Variants in ENOX1 observed in about 807,000 individuals in gnomAD.
ENOX1 encodes the protein ecto-NOX disulfide-thiol exchanger 1, also known as candidate growth-related and time keeping constitutive hydroquinone (NADH) oxidase.
In ENOX1, 42 loss-of-function variants were observed where a neutral mutation model predicts 82.5. That is an observed-to-expected ratio of 0.51 (90% CI 0.40 to 0.66). The LOEUF is 0.66. Among genes scored for constraint, ENOX1 ranks in the 30% least tolerant of loss-of-function variants. ENOX1 has a pLI of 0.00. For synonymous variants in ENOX1, 271 were observed against 282.2 expected (o/e 0.96, Z 0.40); for missense variants, 608 against 811.6 (o/e 0.75, Z 3.05).
rs763037420 is a variant in ENOX1, at chr13:43,298,365, G to A, written c.1427C>T (p.Thr476Ile). 3.7e-6 allele frequency: 6 copies of A among 1,609,940 alleles called. No homozygotes were observed. Among genetic ancestry groups the A allele is most frequent in the African/African-American group, 1.3e-5 (1 of 74,340 alleles). Residue 476 changes from threonine to isoleucine, a missense_variant, in exon 12 of 17, where the codon ACC (threonine) becomes ATC (isoleucine). Physicochemically the swap from Thr to Ile is moderately conservative, Grantham distance 89. Transcript: ENST00000690772. ...AGGTACCTGCTGCATGCCTTGCATG[G>A]TTTGCTGCAGAAACTGCAGTTGCTG... ...KDQQLQFLQQTMQGMQQQLLT... is the reference protein window; with the variant it reads ...KDQQLQFLQQIMQGMQQQLLT...
chr13:43,533,835 G>T (rs1009272375), intron 2 of ENOX1, among the ~76,000 whole-genome samples: 5 of 152,084 alleles, frequency 3.3e-5, no homozygotes, highest in African/African-American at 1.2e-4. Context: ...AATGTATTCT[G>T]AAGTACTGAG....
In ENOX1 at chr13:43,269,621, A is replaced by G; in HGVS notation, c.1447-44T>C. ...TTTAGCATAAGTAGGATTGAAGGTC[A>G]GGTGATTTAAAAATATCCACAATAC... On this transcript the variant is annotated intron_variant, in intron 12 of 16. Transcript: ENST00000690772. 2.7e-6 allele frequency: 4 copies of G among 1,486,694 alleles called. No individual in the cohort carries two copies. In the South Asian group the frequency reaches 3.4e-5, roughly 13 times the overall value. 92.1% of individuals were successfully genotyped at this position (1,486,694 alleles called of 1,614,324 possible). A position where few individuals can be genotyped will look rare whatever the true frequency, so the allele number is the denominator to read the frequency against.
At chr13:43,364,854 G>A (rs1423159614) in intron 5 of ENOX1, among the ~76,000 whole-genome samples, 1 of 152,184 alleles carries the variant, frequency 6.6e-6, no homozygotes, top group Non-Finnish European at 1.5e-5. Context: ...AGGCTCAGAG[G>A]ACACAGAGAG....
intron 1 of ENOX1, among the ~76,000 whole-genome samples, chr13:43,749,967 T>C (rs1270990966): frequency 1.3e-5 from 2 of 152,294 alleles, no homozygotes; most frequent in East Asian, 3.9e-4. Flanking sequence ...TACTCTAAAA[T>C]TAATACACAT....
At chr13:43,399,989 G>C (rs764723774) in intron 5 of ENOX1, among the ~76,000 whole-genome samples, 11 of 151,944 alleles carry the variant, frequency 7.2e-5, no homozygotes, top group Non-Finnish European at 1.6e-4. Flanking sequence ...CACTCTTGTA[G>C]GAGTGTGTAG....
intron 1 of ENOX1, among the ~76,000 whole-genome samples, chr13:43,671,579 C>T (rs927742105): frequency 6.6e-6 from 1 of 152,218 alleles, no homozygotes; most frequent in African/African-American, 2.4e-5. Context: ...TACACCATTA[C>T]ATTTCTTCAA....
chr13:43,363,923 A>G (rs1388387750), intron 5 of ENOX1, among the ~76,000 whole-genome samples: 1 of 152,210 alleles, frequency 6.6e-6, no homozygotes, highest in African/African-American at 2.4e-5. Flanking sequence ...AGACATCAGT[A>G]TGAGGAGACT....
chr13:43,702,945 C>A (rs1196419026), intron 1 of ENOX1, among the ~76,000 whole-genome samples: 3 of 81,106 alleles, frequency 3.7e-5, no homozygotes, highest in African/African-American at 1.4e-4. Flanking sequence ...AAGAGTGAGA[C>A]TCTGTCTCAA....
At chr13:43,756,075 G>C (rs966517604) in intron 1 of ENOX1, among the ~76,000 whole-genome samples, 2 of 152,206 alleles carry the variant, frequency 1.3e-5, no homozygotes, top group African/African-American at 4.8e-5. Context: ...TGACATAGTG[G>C]AAAAGAGTTG....
At chr13:43,345,884 C>T (rs1566565519) in intron 8 of ENOX1, among the ~76,000 whole-genome samples, 1 of 152,134 alleles carries the variant, frequency 6.6e-6, no homozygotes, top group Non-Finnish European at 1.5e-5. Context: ...TTAAAAAATA[C>T]TGAGTGCCTA....
At chr13:43,742,341 G>C (rs775181725) in intron 1 of ENOX1, among the ~76,000 whole-genome samples, 5 of 152,066 alleles carry the variant, frequency 3.3e-5, no homozygotes, top group Admixed American at 6.6e-5. Flanking sequence ...AAGTCCAAAG[G>C]CCTAGGAACT....
chr13:43,651,999 A>G (rs1461534415), intron 2 of ENOX1, among the ~76,000 whole-genome samples: 1 of 147,184 alleles, frequency 6.8e-6, no homozygotes, highest in Non-Finnish European at 1.5e-5. Flanking sequence ...AAAAAACTTC[A>G]CTTTGAATCT....
intron 2 of ENOX1, among the ~76,000 whole-genome samples, chr13:43,602,008 G>A (rs2081744800): frequency 1.3e-5 from 2 of 151,812 alleles, no homozygotes; most frequent in African/African-American, 4.8e-5. Context: ...ACAAACACAT[G>A]GAAATTAGAC....
intron 2 of ENOX1, among the ~76,000 whole-genome samples, chr13:43,563,112 C>G (rs570622315): frequency 1.3e-5 from 2 of 152,200 alleles, no homozygotes; most frequent in South Asian, 4.1e-4. Context: ...ATGGATCATT[C>G]TCAAAGACAG....
intron 1 of ENOX1, among the ~76,000 whole-genome samples, chr13:43,760,808 C>T (rs1334946078): frequency 6.6e-6 from 1 of 150,810 alleles, no homozygotes; most frequent in African/African-American, 2.4e-5. Context: ...AGAGGCACTG[C>T]ACTTTCCTGA....
intron 8 of ENOX1, among the ~76,000 whole-genome samples, chr13:43,345,429 G>T (rs992767871): frequency 2.6e-5 from 4 of 152,176 alleles, no homozygotes; most frequent in African/African-American, 9.7e-5. Context: ...TGGCTATGGA[G>T]AGCCCATCTG....
intron 5 of ENOX1, among the ~76,000 whole-genome samples, chr13:43,380,946 T>C (rs1229980891): frequency 2.0e-5 from 3 of 151,770 alleles, no homozygotes; most frequent in African/African-American, 7.2e-5. Flanking sequence ...AGTAGATGAA[T>C]CCACAATTAA....
At chr13:43,645,154 AT>A (rs2083835723) in intron 2 of ENOX1, among the ~76,000 whole-genome samples, 1 of 152,154 alleles carries the variant, frequency 6.6e-6, no homozygotes, top group African/African-American at 2.4e-5. Flanking sequence ...TAGCCAAAAT[AT>A]TTATTTATTT....
At chr13:43,229,842 T>G (rs960604404) in intron 15 of ENOX1, among the ~76,000 whole-genome samples, 4 of 152,166 alleles carry the variant, frequency 2.6e-5, no homozygotes, top group African/African-American at 9.7e-5. Context: ...GGTGGGACTA[T>G]TTTCTCAGAT....
Sources: gnomAD v4.1 joint callset for allele counts (sites outside exome capture counted in the v4.1 genomes callset) on GRCh38, gnomAD v4.1.1 for gene constraint, MANE v1.5 for transcripts, NCBI Gene and HGNC (gene_info 2026-07-23, HGNC 2026-07-21) for gene names.